Variants in LRP1B observed in about 807,000 individuals in gnomAD.
The protein encoded by LRP1B is low-density lipoprotein receptor-related protein 1B.
In LRP1B, 217 loss-of-function variants were observed where a neutral mutation model predicts 556.6. The ratio of observed to expected loss-of-function variants is 0.39; its 90% CI spans 0.35 to 0.44. LRP1B has a LOEUF of 0.44. Ranked by LOEUF, LRP1B falls within the 20% of genes least tolerant of loss-of-function variation. LRP1B has a pLI of 1.00. For missense variants in LRP1B, 5,053 were observed against 5,620.8 expected, an observed-to-expected ratio of 0.90 and a Z score of 3.23; for synonymous variants, 2,047 against 1,865.8, an observed-to-expected ratio of 1.10 and a Z score of -2.50.
chr2:141,235,231 T>G (rs897599417), intron 5 of LRP1B, among the ~76,000 whole-genome samples: 2 of 152,030 alleles, frequency 1.3e-5, no homozygotes, highest in African/African-American at 4.8e-5. Context: ...GAAGTATTCT[T>G]TGGGTAAATA....
At chr2:141,954,086 G>A (rs973899765) in intron 1 of LRP1B, among the ~76,000 whole-genome samples, 5 of 152,110 alleles carry the variant, frequency 3.3e-5, no homozygotes, top group Admixed American at 2.6e-4. Context: ...AGAGTAGAAA[G>A]TCAAGCCTTA....
At chr2:141,075,880 GCTTT>G (rs1237172595) in intron 7 of LRP1B, among the ~76,000 whole-genome samples, 6 of 152,136 alleles carry the variant, frequency 3.9e-5, no homozygotes, top group Non-Finnish European at 7.4e-5. Context: ...CTACAGCACA[GCTTT>G]CTTTTACAGT....
intron 54 of LRP1B, 21 bp downstream of exon 54, chr2:140,502,942 G>C (rs2104895357): frequency 6.2e-7 from 1 of 1,610,508 alleles, no homozygotes; most frequent in South Asian, 1.1e-5. Context: ...AGTAAATGCG[G>C]TATTGTATAT....
At chr2:141,480,159 T>TTTTGTGTG (rs1166817357) in intron 3 of LRP1B, among the ~76,000 whole-genome samples, 1 of 149,864 alleles carries the variant, frequency 6.7e-6, no homozygotes, top group African/African-American at 2.5e-5. Flanking sequence ...AAGTCTAAAT[T>TTTTGTGTG]TGTGTGTGTG....
At chr2:141,297,294 A>T (rs1347861586) in intron 3 of LRP1B, among the ~76,000 whole-genome samples, 1 of 152,220 alleles carries the variant, frequency 6.6e-6, no homozygotes, top group African/African-American at 2.4e-5. Context: ...ATTACTAAAA[A>T]GTCAAAAACT....
intron 3 of LRP1B, among the ~76,000 whole-genome samples, chr2:141,260,856 T>C (rs895725768): frequency 6.6e-6 from 1 of 152,234 alleles, no homozygotes; most frequent in Non-Finnish European, 1.5e-5. Context: ...GATATCATTT[T>C]ACAAAATGGG....
chr2:141,586,537 C>T (rs979155485), intron 2 of LRP1B, among the ~76,000 whole-genome samples: 2 of 152,146 alleles, frequency 1.3e-5, no homozygotes, highest in South Asian at 2.1e-4. Context: ...CAGTTTAATG[C>T]ACTCTAGAAC....
intron 2 of LRP1B, among the ~76,000 whole-genome samples, chr2:141,696,855 T>C (rs1691748393): frequency 1.3e-5 from 2 of 151,866 alleles, no homozygotes; most frequent in African/African-American, 4.8e-5. Flanking sequence ...AGACGGACAT[T>C]AATAGTTTGC....
intron 52 of LRP1B, 54 bp from the exon 53 acceptor site, chr2:140,506,972 C>T (rs2104908091): frequency 6.4e-7 from 1 of 1,564,288 alleles, no homozygotes; most frequent in Non-Finnish European, 8.7e-7. Flanking sequence ...GTTATCTTCC[C>T]CTATATTAGG....
Position 140,541,839 on chromosome 2 carries a change from G to T in LRP1B, c.7327C>A (p.Arg2443Ser), listed in dbSNP as rs774430605. ...ATTGGCTGATGTGGAATATCGGAACGAAGAATTTTTGTATCTCCTCCTGTG... is the reference window on the plus strand; with the variant it reads ...ATTGGCTGATGTGGAATATCGGAACTAAGAATTTTTGTATCTCCTCCTGTG... ...KYTGGDTKIL[R>S]SDIPHQPMGI... The change falls in exon 44 of 91, where the codon CGT becomes AGT. Residue 2443 changes from arginine to serine, a missense_variant. Around this residue, in one of 5 missense-constraint regions of LRP1B, gnomAD observed 3,619 missense variants for 3,931.9 expected, o/e 0.92. Coordinates refer to ENST00000389484, the MANE Select transcript of LRP1B (RefSeq NM_018557.3). The T allele has an allele frequency of 6.2e-7, 1 of 1,612,522 alleles. No homozygotes were observed.
intron 1 of LRP1B, among the ~76,000 whole-genome samples, chr2:141,993,552 A>T (rs1169048312): frequency 3.3e-5 from 5 of 152,188 alleles, no homozygotes; most frequent in Non-Finnish European, 7.3e-5. Context: ...AGCTGATATC[A>T]CATGGAGCTG....
intron 3 of LRP1B, among the ~76,000 whole-genome samples, chr2:141,404,817 C>T (rs1690574325): frequency 6.6e-6 from 1 of 151,786 alleles, no homozygotes; most frequent in African/African-American, 2.4e-5. Context: ...AACATAAAAC[C>T]TGTGAGAAAT....
chr2:140,380,534 T>C (rs1292434133), intron 67 of LRP1B, among the ~76,000 whole-genome samples: 1 of 152,132 alleles, frequency 6.6e-6, no homozygotes, highest in Non-Finnish European at 1.5e-5. Flanking sequence ...TATTTAACAA[T>C]GGAAAATAAC....
chr2:141,701,100 G>T (rs777581279), intron 2 of LRP1B, among the ~76,000 whole-genome samples: 1 of 151,790 alleles, frequency 6.6e-6, no homozygotes, highest in Non-Finnish European at 1.5e-5. Context: ...GCCTTCCCTG[G>T]ATTGCCTGGC....
chr2:140,967,633 T>G (rs973614511), intron 18 of LRP1B, among the ~76,000 whole-genome samples: 5 of 151,844 alleles, frequency 3.3e-5, no homozygotes, highest in African/African-American at 1.2e-4. Context: ...TCAAAGGGAA[T>G]GCTTCCAGTT....
At chr2:140,753,900 C>A (rs1455138721) in intron 35 of LRP1B, among the ~76,000 whole-genome samples, 1 of 152,116 alleles carries the variant, frequency 6.6e-6, no homozygotes, top group Non-Finnish European at 1.5e-5. Context: ...CTTCCTCCAC[C>A]CATCCTGTAC....
intron 7 of LRP1B, among the ~76,000 whole-genome samples, chr2:141,077,939 A>G (rs996278584): frequency 2.0e-5 from 3 of 149,716 alleles, no homozygotes; most frequent in Non-Finnish European, 3.0e-5. Flanking sequence ...ATCTGAGTCT[A>G]TCTCAGAACT....
chr2:140,981,933 C>T (rs572750228), intron 18 of LRP1B, among the ~76,000 whole-genome samples: 2 of 152,200 alleles, frequency 1.3e-5, no homozygotes, highest in South Asian at 2.1e-4. Context: ...TGTTTAAATC[C>T]ATTTATTTTA....
chr2:140,476,122 G>A (rs574586142), intron 59 of LRP1B, among the ~76,000 whole-genome samples: 2 of 152,076 alleles, frequency 1.3e-5, no homozygotes, highest in East Asian at 1.9e-4. Context: ...TGCAAATAAC[G>A]TATAAGCGGC....
Sources: gnomAD v4.1 joint callset for allele counts (sites outside exome capture counted in the v4.1 genomes callset) on GRCh38, gnomAD v4.1.1 for gene constraint, gnomAD v4.1.1 regional missense constraint, MANE v1.5 for transcripts, NCBI Gene and HGNC (gene_info 2026-07-23, HGNC 2026-07-21) for gene names.